The following CLIP1 variants were observed in gnomAD, a reference collection of about 807,000 sequenced individuals.
CLIP1 encodes the protein CAP-Gly domain containing linker protein 1.
CLIP1 carries 66 observed loss-of-function variants against 161.6 expected under a neutral mutation model. The observed-to-expected ratio is 0.41, with a 90% CI of 0.33 to 0.50. The LOEUF is 0.50. Ranked by LOEUF, CLIP1 falls within the 20% of genes least tolerant of loss-of-function variation. The pLI is 0.27. For missense variants in CLIP1, 1,376 were observed against 1,702.0 expected, an observed-to-expected ratio of 0.81 and a Z score of 3.37; for synonymous variants, 598 against 626.2, an observed-to-expected ratio of 0.96 and a Z score of 0.67.
At chr12:122,289,051 T>C (rs1229257245) in intron 20 of CLIP1, among the ~76,000 whole-genome samples, 1 of 150,396 alleles carries the variant, frequency 6.6e-6, no homozygotes, top group Non-Finnish European at 1.5e-5. Context: ...CTCCTGACCT[T>C]GTGATCCGCC....
chr12:122,360,458 G>A (rs994879955), intron 5 of CLIP1, among the ~76,000 whole-genome samples: 9 of 151,406 alleles, frequency 5.9e-5, no homozygotes, highest in Non-Finnish European at 1.3e-4. Context: ...GTGGTGGTGT[G>A]CACCAGTAGT....
At position 122,387,570 on chromosome 12, in the gene CLIP1, A is replaced by T. The variant is rs1356859633; in HGVS notation, c.-106-7012T>A. ...TTCATATATATATATATATATATAT[A>T]TATATATATATATATATATATTTTT... On this transcript the variant is annotated intron_variant, in intron 1 of 25. Transcript: ENST00000620786. Among the ~76,000 whole-genome samples the T allele has an allele frequency of 1.2e-3, 11 of 9,338 alleles. 2 individuals are homozygous for T. The highest frequency in any genetic ancestry group is 3.6e-3 in the Admixed American group (2 of 558). The allele number at this position is 9,338 out of a possible 152,430, so 6.1% of individuals were successfully genotyped here.
intron 1 of CLIP1, among the ~76,000 whole-genome samples, chr12:122,407,821 T>C (rs1010338986): frequency 6.7e-6 from 1 of 148,382 alleles, no homozygotes; most frequent in African/African-American, 2.5e-5. Flanking sequence ...AGTTGGCATA[T>C]TGTTGCCTGC....
rs750984366 is a variant in CLIP1 at position 122,377,595 on chromosome 12, T to C, written c.451A>G (p.Thr151Ala). The stretch of plus-strand genomic sequence containing the variant: ...GAAGACACCATGCTGGCCGTAGAAG[T>C]GCACAGCGGTGAAGTAGCTCGGGAG... Reference protein sequence around the residue: ...PASRATSPLCTSTASMVSSSP... With the variant: ...PASRATSPLCASTASMVSSSP... Residue 151 changes from threonine (T) to alanine (A), a missense_variant, in exon 3 of 26, where the codon ACT (threonine) becomes GCT (alanine). Physicochemically the swap from Thr to Ala is moderately conservative, Grantham distance 58. Transcript: ENST00000620786. 2.0e-5 allele frequency: 33 copies of C among 1,613,936 alleles called. 1 individual carries two copies. In the East Asian group the frequency reaches 7.1e-4, roughly 35 times the overall value.
chr12:122,379,943 T>TAAAAAAAAAAAAAAAAAAA (rs1566198620), intron 2 of CLIP1, among the ~76,000 whole-genome samples: 712 of 70,232 alleles, frequency 0.01, 52 homozygotes, highest in South Asian at 0.017. Flanking sequence ...GACTCCATCT[T>TAAAAAAAAAAAAAAAAAAA]TAAAAAAAAA....
rs531581427 is a variant in CLIP1 at position 122,355,118 on chromosome 12, G to A, written c.1200C>T (p.Asp400=). ...CGCAACAAGGTCCAGACTTCACCTGGTCATGTCCGTCCCGGGCCAGAGCTA... is the reference window on the plus strand; with the variant it reads ...CGCAACAAGGTCCAGACTTCACCTGATCATGTCCGTCCCGGGCCAGAGCTA... ...QELALARDGH[D]QHVLELEAKM... Residue 400 remains aspartate (D), a synonymous_variant, in exon 6 of 26, where the codon GAC becomes GAT. Coordinates refer to ENST00000620786, the MANE Select transcript of CLIP1 (RefSeq NM_001247997.2). The surrounding 1 kb of genome is among the most constrained non-coding windows in gnomAD (Gnocchi z 4.1). 236 of 1,613,818 alleles carry A rather than the reference G, an allele frequency of 1.5e-4. No homozygotes were observed. The highest frequency in any genetic ancestry group is 1.9e-4 in the Non-Finnish European group (230 of 1,179,854).
intron 11 of CLIP1, among the ~76,000 whole-genome samples, chr12:122,340,426 A>G (rs1474217261): frequency 6.6e-6 from 1 of 152,206 alleles, no homozygotes; most frequent in Non-Finnish European, 1.5e-5. Context: ...CCATAGTGTT[A>G]GGGCATTCTT....
intron 1 of CLIP1, among the ~76,000 whole-genome samples, chr12:122,415,617 G>C (rs1353991820): frequency 3.3e-5 from 5 of 151,888 alleles, no homozygotes; most frequent in Admixed American, 6.6e-5. Flanking sequence ...TCAGGAGTTT[G>C]AGACCAACCT....
At chr12:122,373,095 C>T (rs1215602741) in intron 3 of CLIP1, among the ~76,000 whole-genome samples, 1 of 152,096 alleles carries the variant, frequency 6.6e-6, no homozygotes, top group African/African-American at 2.4e-5. Flanking sequence ...CACTGGTTCC[C>T]CAATAACCTA....
At chr12:122,305,306 C>T (rs1033020288) in intron 20 of CLIP1, among the ~76,000 whole-genome samples, 3 of 152,242 alleles carry the variant, frequency 2.0e-5, no homozygotes, top group East Asian at 3.9e-4. Flanking sequence ...TAGACTATAC[C>T]TATAGTCCCA....
chr12:122,328,327 G>A lies in CLIP1; in HGVS notation c.2967C>T (p.Ser989=), dbSNP rs1235112251. The part of the protein sequence containing the change: ...IEDMTVKAEQ[S]QQEAAKKHEE... ...CATGCTTTTTAGCTGCTTCTTGCTGGCTCTGTTCAGCTTTGACAGTCATGT... is the reference window on the plus strand; with the variant it reads ...CATGCTTTTTAGCTGCTTCTTGCTGACTCTGTTCAGCTTTGACAGTCATGT... Residue 989 remains serine (S), a synonymous_variant, in exon 16 of 26, where the codon AGC becomes AGT. Transcript: ENST00000620786. 1.2e-6 allele frequency: 2 copies of A among 1,613,958 alleles called. No homozygotes were observed. Among genetic ancestry groups the A allele is most frequent in the Non-Finnish European group, 1.7e-6 (2 of 1,179,992 alleles).
At chr12:122,401,695 G>T (rs1843508036) in intron 1 of CLIP1, among the ~76,000 whole-genome samples, 1 of 151,104 alleles carries the variant, frequency 6.6e-6, no homozygotes, top group Admixed American at 6.6e-5. Context: ...TACAATGAGT[G>T]CTATTTAACA....
In CLIP1 at chr12:122,272,835, A is replaced by T. The variant is rs1444521357; in HGVS notation, c.*40T>A. ...GCTGGTGTTACGTTGTGTCAATGCGAGTGCGTCTGAGCAAGCCCAGTTCTC... is the reference window on the plus strand; with the variant it reads ...GCTGGTGTTACGTTGTGTCAATGCGTGTGCGTCTGAGCAAGCCCAGTTCTC... On this transcript the variant is annotated 3_prime_UTR_variant, in exon 26 of 26. Transcript: ENST00000620786. The T allele has an allele frequency of 6.5e-7, 1 of 1,549,662 alleles. No individual in the cohort carries two copies. The highest frequency in any genetic ancestry group is 1.1e-5 in the South Asian group (1 of 89,748).
At chr12:122,347,553 G>T in intron 9 of CLIP1, 74 bp from the exon 10 acceptor site, 1 of 1,140,360 alleles carries the variant, frequency 8.8e-7, no homozygotes, top group Non-Finnish European at 1.3e-6. Context: ...GAGAGACAGC[G>T]GCATGCAGGC....
chr12:122,276,186 G>A (rs898471275), intron 24 of CLIP1, among the ~76,000 whole-genome samples: 3 of 151,984 alleles, frequency 2.0e-5, no homozygotes, highest in Non-Finnish European at 4.4e-5. Flanking sequence ...TCCTGCTGGG[G>A]AGTTATGAAC....
At chr12:122,362,947 G>C (rs1234087501) in intron 4 of CLIP1, among the ~76,000 whole-genome samples, 1 of 152,056 alleles carries the variant, frequency 6.6e-6, no homozygotes, top group Non-Finnish European at 1.5e-5. Flanking sequence ...TTATCTCTAT[G>C]AGTCATAATT....
At chr12:122,333,204 G>C in intron 14 of CLIP1, 61 bp from the exon 15 acceptor site, 1 of 1,237,942 alleles carries the variant, frequency 8.1e-7, no homozygotes, top group Non-Finnish European at 1.1e-6. Context: ...AACTGACTGA[G>C]TGTATTCTTG....
intron 10 of CLIP1, chr12:122,343,908 T>C (rs530848670): frequency 2.0e-5 from 3 of 152,316 alleles, no homozygotes; most frequent in African/African-American, 7.2e-5. Context: ...GTGAGTCCCA[T>C]ATTTCAAGGA....
At chr12:122,362,290 T>G (rs1236391502) in intron 4 of CLIP1, among the ~76,000 whole-genome samples, 4 of 151,318 alleles carry the variant, frequency 2.6e-5, no homozygotes, top group Non-Finnish European at 5.9e-5. Context: ...AAAAAAAATC[T>G]ACCCAAACTT....
Sources: allele counts gnomAD v4.1 joint callset (sites outside exome capture counted in the v4.1 genomes callset), GRCh38; gene constraint gnomAD v4.1.1; non-coding constraint Gnocchi (gnomAD v3.1); transcripts MANE v1.5; gene names NCBI Gene and HGNC (gene_info 2026-07-23, HGNC 2026-07-21).